FGF13: variants seen among roughly 807,000 people sequenced by gnomAD.
The protein encoded by FGF13 is fibroblast growth factor 13, also known as fibroblast growth factor homologous factor 2.
In FGF13, 2 loss-of-function variants were observed where a neutral mutation model predicts 19.5. That is an observed-to-expected ratio of 0.10 (90% CI 0.04 to 0.32). The LOEUF (loss-of-function observed/expected upper bound fraction) is 0.32. Among genes scored for constraint, FGF13 ranks in the 10% least tolerant of loss-of-function variants. The probability of loss-of-function intolerance (pLI) is 1.00; values close to 1 mark genes in which losing one functional copy is unlikely to be tolerated. For missense variants in FGF13, 113 were observed against 192.7 expected (o/e 0.59, Z 2.45); for synonymous variants, 72 against 76.9 (o/e 0.94, Z 0.33).
At chrX:138,897,268 C>A (rs778170085) in intron 1 of FGF13, among the ~76,000 whole-genome samples, 2 of 111,408 alleles carry the variant, frequency 1.8e-5, no homozygotes, top group Non-Finnish European at 3.8e-5. Flanking sequence ...CTTTGGCCTA[C>A]GAAAGTGCTG....
At chrX:138,639,865 C>T (rs753735978) in intron 3 of FGF13, among the ~76,000 whole-genome samples, 28 of 109,970 alleles carry the variant, frequency 2.5e-4, no homozygotes, top group African/African-American at 9.3e-4. Context: ...TGGTGGTGGG[C>T]ACCTGTAGTC....
At chrX:139,094,356 A>C (rs909678184) in intron 1 of FGF13, among the ~76,000 whole-genome samples, 3 of 112,236 alleles carry the variant, frequency 2.7e-5, no homozygotes, top group Non-Finnish European at 3.7e-5. Flanking sequence ...TCAAACCTAC[A>C]TGAATTAGAA....
At chrX:139,090,854 A>C (rs1393411572) in intron 1 of FGF13, among the ~76,000 whole-genome samples, 1 of 98,332 alleles carries the variant, frequency 1.0e-5, no homozygotes, top group African/African-American at 3.8e-5. Flanking sequence ...AGGCAGCAGG[A>C]TTGTTTGAGC....
At chrX:138,973,449 T>C (rs1287412037) in intron 1 of FGF13, among the ~76,000 whole-genome samples, 5 of 112,240 alleles carry the variant, frequency 4.5e-5, no homozygotes, top group African/African-American at 1.6e-4. Flanking sequence ...TTCCCTGTGC[T>C]GTTAAGAATG....
chrX:138,835,342 G>A (rs1011876133), intron 3 of FGF13, among the ~76,000 whole-genome samples: 4 of 111,836 alleles, frequency 3.6e-5, no homozygotes, highest in Non-Finnish European at 5.6e-5. Flanking sequence ...TCCTGTGTTG[G>A]GTGCATAAAT....
chrX:139,108,855 C>T (rs1470201651), intron 1 of FGF13, among the ~76,000 whole-genome samples: 1 of 86,336 alleles, frequency 1.2e-5, no homozygotes, highest in Non-Finnish European at 2.2e-5. Flanking sequence ...CACCCCCCAA[C>T]AGGCCCCAGT....
chrX:139,168,027 T>C (rs1300394949), intron 1 of FGF13, among the ~76,000 whole-genome samples: 1 of 112,240 alleles, frequency 8.9e-6, no homozygotes, highest in African/African-American at 3.2e-5. Context: ...ACTAGGATAC[T>C]ACTTCACACT....
chrX:138,906,677 G>A (rs1367898244), intron 1 of FGF13, among the ~76,000 whole-genome samples: 1 of 111,884 alleles, frequency 8.9e-6, no homozygotes, highest in East Asian at 2.8e-4. Flanking sequence ...TTTGAGCAGA[G>A]ATCTGAGGTT....
chrX:139,081,723 C>CCTCTCTCTCTCTCTCTCTGT (rs754997120), intron 1 of FGF13, among the ~76,000 whole-genome samples: 1 of 75,397 alleles, frequency 1.3e-5, no homozygotes, highest in African/African-American at 7.7e-5. Context: ...ATTCTTAATT[C>CCTCTCTCTCTCTCTCTCTGT]CTCTCTCTCT....
rs2089132282 is a variant in FGF13, at chrX:138,632,665, C to G, written c.*185G>C. 2 of 452,717 alleles carry G rather than the reference C, an allele frequency of 4.4e-6. No individual in the cohort carries two copies. The highest frequency in any genetic ancestry group is 7.3e-6 in the Non-Finnish European group (2 of 272,949). The allele number at this position is 452,717 out of a possible 1,213,427, so 37.3% of individuals were successfully genotyped here. ...TGGCATTCTTATGCACAAGCTCAAT[C>G]TAAATAATGGGGCTTTAGTATGGAT... On this transcript the variant is annotated 3_prime_UTR_variant, in exon 5 of 5. Transcript: ENST00000315930.
At chrX:138,678,416 C>T (rs192998081) in intron 3 of FGF13, among the ~76,000 whole-genome samples, 5 of 111,526 alleles carry the variant, frequency 4.5e-5, no homozygotes, top group Non-Finnish European at 9.4e-5. Context: ...AATAAATTAT[C>T]CCTCAAAATG....
intron 1 of FGF13, among the ~76,000 whole-genome samples, chrX:139,023,998 A>G (rs1331673509): frequency 9.0e-6 from 1 of 111,551 alleles, no homozygotes; most frequent in Non-Finnish European, 1.9e-5. Flanking sequence ...CAGTAGTGCT[A>G]TAAAATTTCT....
intron 1 of FGF13, among the ~76,000 whole-genome samples, chrX:138,915,038 T>A (rs1346861100): frequency 9.0e-6 from 1 of 111,102 alleles, no homozygotes; most frequent in South Asian, 3.8e-4. Flanking sequence ...TCCAGGGAGT[T>A]GACATTCCTA....
intron 1 of FGF13, among the ~76,000 whole-genome samples, chrX:138,720,759 G>A (rs756180773): frequency 9.0e-6 from 1 of 111,400 alleles, no homozygotes; most frequent in African/African-American, 3.3e-5. Context: ...GTTGGGGAAC[G>A]AAATTAGGTA....
chrX:138,627,888 A>G lies in FGF13; in HGVS notation c.*4962T>C, dbSNP rs1015358846. 9.0e-6 allele frequency: 1 copy of G among 110,858 alleles called. No homozygotes were observed. Among genetic ancestry groups the G allele is most frequent in the Non-Finnish European group, 1.9e-5 (1 of 53,051 alleles). The allele number at this position is 110,858 out of a possible 1,213,427, so 9.1% of individuals were successfully genotyped here. ...GATGCCATGTATTATACTTGTCTGC[A>G]TTCTTTATTACGGTAAATGTGATGA... On this transcript the variant is annotated 3_prime_UTR_variant, in exon 5 of 5. Coordinates refer to ENST00000315930, the MANE Select transcript of FGF13 (RefSeq NM_004114.5).
At chrX:139,025,907 G>A (rs1306464039) in intron 1 of FGF13, among the ~76,000 whole-genome samples, 2 of 110,466 alleles carry the variant, frequency 1.8e-5, no homozygotes, top group Non-Finnish European at 3.8e-5. Context: ...TATCATTCTA[G>A]ACCTCTCTTC....
intron 1 of FGF13, among the ~76,000 whole-genome samples, chrX:139,138,927 T>C (rs1409010308): frequency 1.6e-5 from 1 of 63,662 alleles, no homozygotes; most frequent in Non-Finnish European, 2.5e-5. Context: ...GTTATTTATC[T>C]TTTTTTTTTT....
rs775033043 is a variant in FGF13, at chrX:139,017,470, G to C, written c.-112-152820C>G. 1.0e-3 allele frequency among the ~76,000 whole-genome samples: 111 copies of C among 109,766 alleles called. 1 individual carries two copies. The highest frequency in any genetic ancestry group is 1.6e-3 in the South Asian group (4 of 2,550). ...ATACCCATGTGGTTGTATGAATGGA[G>C]ACAATAGAAATGGGTTCAGAGGCAG... On this transcript the variant is annotated intron_variant, in intron 1 of 2. Coordinates refer to the FGF13 transcript ENST00000421460.
intron 1 of FGF13, among the ~76,000 whole-genome samples, chrX:138,967,538 C>T (rs190641242): frequency 1.8e-5 from 2 of 110,830 alleles, no homozygotes; most frequent in Non-Finnish European, 3.8e-5. Context: ...AAGGAGGCTA[C>T]AGCAAAGAAA....
Sources: allele counts gnomAD v4.1 joint callset (sites outside exome capture counted in the v4.1 genomes callset), GRCh38; gene constraint gnomAD v4.1.1; transcripts MANE v1.5; gene names NCBI Gene and HGNC (gene_info 2026-07-23, HGNC 2026-07-21).